C2orf78: variants seen among roughly 807,000 people sequenced by gnomAD.
The protein encoded by C2orf78 is chromosome 2 open reading frame 78.
In C2orf78, 12 loss-of-function variants were observed where a neutral mutation model predicts 21.4. The ratio of observed to expected loss-of-function variants is 0.56; its 90% CI spans 0.36 to 0.91. The LOEUF (loss-of-function observed/expected upper bound fraction) is 0.91, where lower values mean the gene tolerates loss of function less well. Among genes scored for constraint, C2orf78 ranks in the 40% least tolerant of loss-of-function variants. The pLI is 0.01. For missense variants in C2orf78, 1,042 were observed against 1,092.4 expected, an observed-to-expected ratio of 0.95 and a Z score of 0.65; for synonymous variants, 396 against 413.9, an observed-to-expected ratio of 0.96 and a Z score of 0.52.
chr2:73,811,061 C>T (rs1404445855), intron 1 of C2orf78, among the ~76,000 whole-genome samples: 6 of 150,554 alleles, frequency 4.0e-5, no homozygotes, highest in African/African-American at 7.3e-5. Flanking sequence ...GAGGCTGAGG[C>T]GGGTGGATCA....
intron 2 of C2orf78, 91 bp downstream of exon 2, chr2:73,814,317 A>G: frequency 3.6e-6 from 5 of 1,379,092 alleles, no homozygotes; most frequent in Non-Finnish European, 4.9e-6. Flanking sequence ...GTGGATAGGT[A>G]GAATTTAAGT....
chr2:73,811,914 C>T (rs1673097723), intron 1 of C2orf78, among the ~76,000 whole-genome samples: 1 of 152,098 alleles, frequency 6.6e-6, no homozygotes. Context: ...TATGAATGAG[C>T]ATAATAATTC....
intron 1 of C2orf78, among the ~76,000 whole-genome samples, chr2:73,809,390 G>A (rs997043168): frequency 2.6e-5 from 4 of 151,840 alleles, no homozygotes; most frequent in Admixed American, 6.6e-5. Flanking sequence ...AGGCACGGTG[G>A]CTCACACCTG....
At chr2:73,813,700 G>T in exon 2 of C2orf78, 2 of 1,614,006 alleles carry the variant, frequency 1.2e-6, no homozygotes, top group Non-Finnish European at 1.7e-6. Context: ...CAACTATGTT[G>T]TCTGGGGTTA....
At chr2:73,814,053 G>T in exon 2 of C2orf78, 2 of 1,613,868 alleles carry the variant, frequency 1.2e-6, no homozygotes, top group South Asian at 2.2e-5. Context: ...CAACTATCCT[G>T]CCTGCAATCT....
chr2:73,815,396 A>T (rs2103993205), exon 3 of C2orf78: 2 of 1,613,998 alleles, frequency 1.2e-6, no homozygotes, highest in Non-Finnish European at 1.7e-6. Context: ...TTCCTGTAGA[A>T]ATCCCCGATA....
chr2:73,808,969 C>G, intron 1 of C2orf78: 1 of 564,538 alleles, frequency 1.8e-6, no homozygotes, highest in South Asian at 2.0e-5. Flanking sequence ...GATTTCTTTC[C>G]CCCTATATTC....
At chr2:73,785,752 A>T (rs1672913027) in intron 1 of C2orf78, among the ~76,000 whole-genome samples, 2 of 152,040 alleles carry the variant, frequency 1.3e-5, no homozygotes, top group African/African-American at 4.8e-5. Flanking sequence ...ACATTTTGGA[A>T]ATATGTTTTA....
intron 1 of C2orf78, among the ~76,000 whole-genome samples, chr2:73,811,957 C>T (rs775406560): frequency 7.2e-5 from 11 of 152,038 alleles, no homozygotes; most frequent in Non-Finnish European, 1.3e-4. Flanking sequence ...CTACCTTGTA[C>T]CAGTTTTTAT....
chr2:73,812,461 C>T (rs182064190), intron 1 of C2orf78, among the ~76,000 whole-genome samples: 1 of 152,174 alleles, frequency 6.6e-6, no homozygotes, highest in East Asian at 1.9e-4. Flanking sequence ...TCTTTATAGA[C>T]AGGCAGCCTG....
At position 73,785,646 on chromosome 2, in the gene C2orf78, T is replaced by C. The variant is rs556350850; in HGVS notation, c.97+1240T>C. Among the ~76,000 whole-genome samples, 5 of 152,224 alleles carry C rather than the reference T, an allele frequency of 3.3e-5. No individual in the cohort carries two copies. The East Asian group carries it at 9.6e-4, about 29-fold the overall frequency. The stretch of plus-strand genomic sequence containing the variant: ...GAGGAAGGAAACAGGCTACATTACA[T>C]ATCCCTAGGAAAAGCAGCTTATCAG... On this transcript the variant is annotated intron_variant, in intron 1 of 2. Coordinates refer to ENST00000409561, the Ensembl canonical transcript of C2orf78.
At chr2:73,786,149 G>A (rs910829521) in intron 1 of C2orf78, among the ~76,000 whole-genome samples, 1 of 151,982 alleles carries the variant, frequency 6.6e-6, no homozygotes, top group Admixed American at 6.6e-5. Context: ...CAAGGCTGAC[G>A]CAGGCGGATT....
At chr2:73,815,008 A>G in intron 2 of C2orf78, 63 bp from the exon 3 acceptor site, 1 of 1,480,278 alleles carries the variant, frequency 6.8e-7, no homozygotes, top group Non-Finnish European at 9.1e-7. Context: ...CGATTGCTGC[A>G]CTGGTGTGTA....
chr2:73,816,137 T>C (rs369976374), exon 3 of C2orf78: 13 of 1,613,788 alleles, frequency 8.1e-6, no homozygotes, highest in African/African-American at 1.3e-5. Context: ...AAGTTTTCCA[T>C]GCACTCGGGA....
intron 1 of C2orf78, among the ~76,000 whole-genome samples, chr2:73,784,635 A>G (rs1672888854): frequency 6.6e-6 from 1 of 151,370 alleles, no homozygotes; most frequent in South Asian, 2.1e-4. Flanking sequence ...CTAGGATAAT[A>G]GACTGGTTAT....
intron 1 of C2orf78, among the ~76,000 whole-genome samples, chr2:73,807,067 G>A (rs1307745215): frequency 6.9e-6 from 1 of 144,580 alleles, no homozygotes; most frequent in Non-Finnish European, 1.5e-5. Context: ...TGTAATCCCA[G>A]CTACTCGGGA....
At chr2:73,813,547 T>G (rs1202196882) in exon 2 of C2orf78, 1 of 1,613,886 alleles carries the variant, frequency 6.2e-7, no homozygotes, top group Non-Finnish European at 8.5e-7. Context: ...TGGTGAGCAA[T>G]GCAGCTTTCT....
At chr2:73,811,231 C>A (rs1205803588) in intron 1 of C2orf78, among the ~76,000 whole-genome samples, 1 of 151,840 alleles carries the variant, frequency 6.6e-6, no homozygotes, top group Non-Finnish European at 1.5e-5. Flanking sequence ...GCAGAGGTTG[C>A]AGTGAGCCGA....
Position 73,809,818 on chromosome 2 carries a change from T to C in C2orf78, c.98-3659T>C, listed in dbSNP as rs140948454. Among the ~76,000 whole-genome samples, 1,209 of 152,148 alleles carry C rather than the reference T, an allele frequency of 7.9e-3. 15 individuals are homozygous for C. The highest frequency in any genetic ancestry group is 0.027 in the African/African-American group (1,112 of 41,494). On this transcript the variant is annotated intron_variant, in intron 1 of 2. Coordinates refer to ENST00000409561, the Ensembl canonical transcript of C2orf78. ...AATAAACAAACAAAAGTAATATTCA[T>C]GTTTTGGACATTCCTATCTAAACTA...
Sources: allele counts gnomAD v4.1 joint callset (sites outside exome capture counted in the v4.1 genomes callset), GRCh38; gene constraint gnomAD v4.1.1; transcripts MANE v1.5; gene names NCBI Gene and HGNC (gene_info 2026-07-23, HGNC 2026-07-21).